Variants in EYA4 observed in about 807,000 individuals in gnomAD.
The protein encoded by EYA4 is EYA transcriptional coactivator and phosphatase 4, also known as protein phosphatase EYA4.
Under a neutral mutation model 87.9 loss-of-function variants are expected in EYA4, and 31 were observed. That is an observed-to-expected ratio of 0.35 (90% CI 0.27 to 0.48). The LOEUF is 0.48. Among genes scored for constraint, EYA4 ranks in the 20% least tolerant of loss-of-function variants. EYA4 has a pLI of 0.99. For synonymous variants in EYA4, 263 were observed against 270.6 expected (o/e 0.97, Z 0.28); for missense variants, 678 against 761.4 (o/e 0.89, Z 1.29).
chr6:133,419,113 C>T lies in EYA4; in HGVS notation c.84-27517C>T, dbSNP rs115780023. Among the ~76,000 whole-genome samples the T allele has an allele frequency of 5.4e-3, 816 of 152,178 alleles. 5 individuals are homozygous for T. Among genetic ancestry groups the T allele is most frequent in the African/African-American group, 0.018 (733 of 41,502 alleles). On this transcript the variant is annotated intron_variant, in intron 3 of 19. Transcript: ENST00000355286. ...TAAAATTACTTAATTTCTTTTGTTT[C>T]GATAGGTATAGGCCCTGCACGGCCT...
chr6:133,254,743 A>G (rs1176240788), intron 1 of EYA4, among the ~76,000 whole-genome samples: 2 of 152,172 alleles, frequency 1.3e-5, no homozygotes, highest in Non-Finnish European at 2.9e-5. Context: ...TCAGCGTCAG[A>G]TGATCAGATC....
At chr6:133,418,845 G>A (rs1173894971) in intron 3 of EYA4, among the ~76,000 whole-genome samples, 1 of 152,120 alleles carries the variant, frequency 6.6e-6, no homozygotes, top group Non-Finnish European at 1.5e-5. Flanking sequence ...TTTGAAAAGA[G>A]AGAAAACGGT....
At chr6:133,273,471 A>G (rs1362938778) in intron 1 of EYA4, among the ~76,000 whole-genome samples, 2 of 152,200 alleles carry the variant, frequency 1.3e-5, no homozygotes, top group South Asian at 2.1e-4. Flanking sequence ...CTTCAATCCA[A>G]TCAAGTTGAC....
chr6:133,392,841 G>A (rs1049671332), intron 3 of EYA4, among the ~76,000 whole-genome samples: 2 of 152,148 alleles, frequency 1.3e-5, no homozygotes, highest in Middle Eastern at 3.2e-3. Context: ...AAATGGCTGT[G>A]TTCCTGGTCA....
intron 3 of EYA4, among the ~76,000 whole-genome samples, chr6:133,388,433 T>G (rs1189047889): frequency 6.7e-6 from 1 of 149,978 alleles, no homozygotes; most frequent in Non-Finnish European, 1.5e-5. Context: ...TCTCAAAACA[T>G]AGACTATTGT....
chr6:133,468,471 A>T, intron 10 of EYA4, 95 bp from the exon 11 acceptor site: 1 of 995,470 alleles, frequency 1.0e-6, no homozygotes. Context: ...GGGGCTGAGT[A>T]CTAATCTTTC....
At chr6:133,424,928 C>T (rs1790535809) in intron 3 of EYA4, among the ~76,000 whole-genome samples, 1 of 150,864 alleles carries the variant, frequency 6.6e-6, no homozygotes, top group Non-Finnish European at 1.5e-5. Flanking sequence ...AGTGTGATGG[C>T]ATCAACTACT....
chr6:133,438,583 T>C (rs1791935602), intron 3 of EYA4, among the ~76,000 whole-genome samples: 1 of 151,934 alleles, frequency 6.6e-6, no homozygotes, highest in Non-Finnish European at 1.5e-5. Context: ...TGTTCCACTT[T>C]ATGGACGCTT....
At chr6:133,394,496 C>T (rs922529291) in intron 3 of EYA4, among the ~76,000 whole-genome samples, 22 of 151,528 alleles carry the variant, frequency 1.5e-4, no homozygotes, top group African/African-American at 5.3e-4. Flanking sequence ...ATTTCCAAGG[C>T]TCCACAGACT....
intron 3 of EYA4, among the ~76,000 whole-genome samples, chr6:133,422,498 C>A (rs1284092898): frequency 2.6e-5 from 4 of 152,112 alleles, no homozygotes; most frequent in Non-Finnish European, 4.4e-5. Flanking sequence ...AATTATATGG[C>A]ATAGACTATG....
At chr6:133,350,176 C>T (rs915823361) in intron 2 of EYA4, among the ~76,000 whole-genome samples, 1 of 151,978 alleles carries the variant, frequency 6.6e-6, no homozygotes, top group African/African-American at 2.4e-5. Context: ...AAAAAATGAA[C>T]AAATAAAATT....
chr6:133,259,149 G>T (rs1259158081), intron 1 of EYA4, among the ~76,000 whole-genome samples: 1 of 152,052 alleles, frequency 6.6e-6, no homozygotes, highest in Non-Finnish European at 1.5e-5. Context: ...TTATGCTTTT[G>T]TGGCTGACTG....
In EYA4 at chr6:133,391,222, G is replaced by GTTTTTTTTTTTTTTT. The variant is rs531819011; in HGVS notation, c.83+8783_83+8797dup. Among the ~76,000 whole-genome samples the GTTTTTTTTTTTTTTT allele has an allele frequency of 1.8e-4, 16 of 89,824 alleles. 1 individual carries two copies. The highest frequency in any genetic ancestry group is 4.6e-4 in the African/African-American group (14 of 30,176). The allele number at this position is 89,824 out of a possible 152,430, so 58.9% of individuals were successfully genotyped here. A position where few individuals can be genotyped will look rare whatever the true frequency, so the allele number is the denominator to read the frequency against. On this transcript the variant is annotated intron_variant, in intron 3 of 19. Transcript: ENST00000355286. The stretch of plus-strand genomic sequence containing the variant: ...CTATTATTTTTTGGGTTTTGTTTTT[G>GTTTTTTTTTTTTTTT]TTTTTTTTTTTTTTTTGAGATGGAG...
intron 2 of EYA4, among the ~76,000 whole-genome samples, chr6:133,341,656 G>A (rs909005021): frequency 1.5e-5 from 2 of 136,916 alleles, no homozygotes; most frequent in Non-Finnish European, 3.4e-5. Context: ...TGCAATAGTT[G>A]CATTAAAAAA....
chr6:133,368,358 C>T (rs1785013877), intron 2 of EYA4, among the ~76,000 whole-genome samples: 1 of 152,144 alleles, frequency 6.6e-6, no homozygotes, highest in Non-Finnish European at 1.5e-5. Context: ...AACTTATTCT[C>T]CCAGAGTTTT....
At position 133,531,447 on chromosome 6, in the gene EYA4, C is replaced by T; in HGVS notation, c.*2642C>T. 1 of 530,862 alleles carries T rather than the reference C, an allele frequency of 1.9e-6. No homozygotes were observed. 32.9% of individuals were successfully genotyped at this position (530,862 alleles called of 1,614,324 possible). A position where few individuals can be genotyped will look rare whatever the true frequency, so the allele number is the denominator to read the frequency against. ...CTTGGCAGTTCCCACCTCCTATTGACATATGGAATATTGTGCCTTATTGTA... is the reference window on the plus strand; with the variant it reads ...CTTGGCAGTTCCCACCTCCTATTGATATATGGAATATTGTGCCTTATTGTA... On this transcript the variant is annotated 3_prime_UTR_variant, in exon 20 of 20. Transcript: ENST00000355286.
In EYA4 at chr6:133,282,604, A is replaced by ATG. The variant is rs761390078; in HGVS notation, c.33+7792_33+7793insGT. ...TATGTGTGTGTATATATATATATGT[A>ATG]TATATGGAGAGCCTCATATTATACA... On this transcript the variant is annotated intron_variant, in intron 2 of 19. Coordinates refer to ENST00000355286, the MANE Select transcript of EYA4 (RefSeq NM_004100.5). Among the ~76,000 whole-genome samples, 207 of 150,928 alleles carry ATG rather than the reference A, an allele frequency of 1.4e-3. 1 individual carries two copies. Among genetic ancestry groups the ATG allele is most frequent in the Non-Finnish European group, 2.3e-3 (159 of 67,728 alleles).
intron 2 of EYA4, among the ~76,000 whole-genome samples, chr6:133,361,215 A>G (rs989431404): frequency 1.3e-5 from 2 of 152,218 alleles, no homozygotes; most frequent in African/African-American, 4.8e-5. Context: ...GAAGAAAGTC[A>G]TAGTACCTCC....
At chr6:133,515,634 TG>T (rs1799533300) in intron 17 of EYA4, among the ~76,000 whole-genome samples, 199 bp downstream of exon 17, 1 of 151,482 alleles carries the variant, frequency 6.6e-6, no homozygotes, top group East Asian at 1.9e-4. Context: ...TGTGTGTGTG[TG>T]TGTGTGTGTG....
Sources: gnomAD v4.1 joint callset for allele counts (sites outside exome capture counted in the v4.1 genomes callset) on GRCh38, gnomAD v4.1.1 for gene constraint, MANE v1.5 for transcripts, NCBI Gene and HGNC (gene_info 2026-07-23, HGNC 2026-07-21) for gene names.